The following CCDC25 variants were observed in gnomAD, a reference collection of about 807,000 sequenced individuals.
The protein encoded by CCDC25 is coiled-coil domain containing 25, also known as coiled-coil domain-containing protein 25.
Under a neutral mutation model 35.3 loss-of-function variants are expected in CCDC25, and 16 were observed. The ratio of observed to expected loss-of-function variants is 0.45; its 90% CI spans 0.31 to 0.69. The LOEUF (loss-of-function observed/expected upper bound fraction) is 0.69. Ranked by LOEUF, CCDC25 falls within the 30% of genes least tolerant of loss-of-function variation. The pLI is 0.06. For missense variants in CCDC25, 179 were observed against 250.7 expected, an observed-to-expected ratio of 0.71 and a Z score of 1.93; for synonymous variants, 79 against 80.3, an observed-to-expected ratio of 0.98 and a Z score of 0.09.
chr8:27,757,251 G>C (rs1387522828), intron 3 of CCDC25, among the ~76,000 whole-genome samples: 1 of 152,154 alleles, frequency 6.6e-6, no homozygotes, highest in Non-Finnish European at 1.5e-5. Context: ...GGAAACAGAT[G>C]ACAGTTTCGT....
intron 4 of CCDC25, chr8:27,756,415 G>A (rs1395432930): frequency 3.6e-6 from 1 of 279,360 alleles, no homozygotes; most frequent in African/African-American, 2.2e-5. Context: ...GAGACAGAAA[G>A]TCTGGGAGTG....
rs1241056039 is a variant in CCDC25, at chr8:27,735,510, G to A, written c.*706C>T. On this transcript the variant is annotated 3_prime_UTR_variant, in exon 9 of 9. Coordinates refer to ENST00000356537, the MANE Select transcript of CCDC25 (RefSeq NM_018246.3). The stretch of plus-strand genomic sequence containing the variant: ...TCCTGGGCCCAGAAGTTGTCACATA[G>A]GTGGCTTGGGTTACTTGGTGCTCAG... 6.6e-6 allele frequency: 1 copy of A among 152,160 alleles called. No individual in the cohort carries two copies. The highest frequency in any genetic ancestry group is 1.5e-5 in the Non-Finnish European group (1 of 68,050). 9.4% of individuals were successfully genotyped at this position (152,160 alleles called of 1,614,324 possible).
rs1803218579 is a variant in CCDC25, at chr8:27,736,220, A to G, written c.623T>C (p.Met208Thr). ...NQDGNDSDEF[M>T] ...TCCTTTTCTCCTTTTCTCCTTTTACATGAATTCATCTGAATCATTGCCATC... is the reference window on the plus strand; with the variant it reads ...TCCTTTTCTCCTTTTCTCCTTTTACGTGAATTCATCTGAATCATTGCCATC... The change falls in exon 9 of 9, where the codon ATG becomes ACG. Residue 208 changes from methionine to threonine, a missense_variant. Coordinates refer to ENST00000356537, the MANE Select transcript of CCDC25 (RefSeq NM_018246.3). 5 of 1,609,624 alleles carry G rather than the reference A, an allele frequency of 3.1e-6. No homozygotes were observed. The highest frequency in any genetic ancestry group is 4.2e-6 in the Non-Finnish European group (5 of 1,178,364).
At chr8:27,760,596 C>G (rs1804192376) in intron 3 of CCDC25, among the ~76,000 whole-genome samples, 1 of 152,164 alleles carries the variant, frequency 6.6e-6, no homozygotes, top group Non-Finnish European at 1.5e-5. Flanking sequence ...GTGCCAGGAC[C>G]TATGCTAGGT....
intron 3 of CCDC25, among the ~76,000 whole-genome samples, chr8:27,757,221 T>G (rs1804040464): frequency 6.6e-6 from 1 of 152,136 alleles, no homozygotes; most frequent in Admixed American, 6.5e-5. Flanking sequence ...CCTGGGAGAT[T>G]AGCAGAACCA....
chr8:27,742,850 G>A (rs1307092598), intron 7 of CCDC25, among the ~76,000 whole-genome samples: 1 of 152,212 alleles, frequency 6.6e-6, no homozygotes, highest in Non-Finnish European at 1.5e-5. Flanking sequence ...CTGGGCAACA[G>A]AGTGAGACTC....
At position 27,742,088 on chromosome 8, in the gene CCDC25, AT is replaced by A. The variant is rs575348704; in HGVS notation, c.552-1572del. 2.4e-3 allele frequency among the ~76,000 whole-genome samples: 361 copies of A among 152,364 alleles called. 1 individual carries two copies. Among genetic ancestry groups the A allele is most frequent in the Admixed American group, 3.5e-3 (53 of 15,310 alleles). ...TTGTAGCTTGGGCAATTTGAAAAAAATAGGAGAAATGGGAAAATGTTGCAAA... is the reference window on the plus strand; with the variant it reads ...TTGTAGCTTGGGCAATTTGAAAAAAAAGGAGAAATGGGAAAATGTTGCAAA... On this transcript the variant is annotated intron_variant, in intron 7 of 8. Transcript: ENST00000356537.
intron 1 of CCDC25, among the ~76,000 whole-genome samples, chr8:27,766,013 T>C (rs1804388635): frequency 6.6e-6 from 1 of 152,352 alleles, no homozygotes; most frequent in Admixed American, 6.5e-5. Context: ...AGAAATGATA[T>C]TTGCTTTACC....
At chr8:27,772,464 T>C in intron 1 of CCDC25, 49 bp downstream of exon 1, 4 of 1,539,808 alleles carry the variant, frequency 2.6e-6, no homozygotes, top group South Asian at 2.4e-5. Flanking sequence ...GGTCCCGGCT[T>C]CGGAGCCCGC....
rs1024245455 is a variant in CCDC25, at chr8:27,737,939, A to C, written c.598-1694T>G. On this transcript the variant is annotated intron_variant, in intron 8 of 8. Coordinates refer to ENST00000356537, the MANE Select transcript of CCDC25 (RefSeq NM_018246.3). The surrounding 1 kb of genome is among the most constrained non-coding windows in gnomAD (Gnocchi z 4.6). ...AAAGGAATACTATGCAGCTATAAAA[A>C]GGAATATATTAACAGCATTTGCAGT... Among the ~76,000 whole-genome samples, 3 of 152,020 alleles carry C rather than the reference A, an allele frequency of 2.0e-5. No individual in the cohort carries two copies. Among genetic ancestry groups the C allele is most frequent in the African/African-American group, 7.2e-5 (3 of 41,402 alleles).
chr8:27,755,617 G>A (rs1803973857), intron 4 of CCDC25, among the ~76,000 whole-genome samples: 1 of 152,110 alleles, frequency 6.6e-6, no homozygotes, highest in Non-Finnish European at 1.5e-5. Flanking sequence ...CAACCTTATA[G>A]TAGAGCAACC....
At chr8:27,755,858 CAG>C (rs1376254998) in intron 4 of CCDC25, among the ~76,000 whole-genome samples, 1 of 152,136 alleles carries the variant, frequency 6.6e-6, no homozygotes, top group Admixed American at 6.5e-5. Context: ...TCATAAAAAA[CAG>C]AGAAAGAATG....
chr8:27,769,581 T>C (rs1456223175), intron 1 of CCDC25, among the ~76,000 whole-genome samples: 1 of 152,232 alleles, frequency 6.6e-6, no homozygotes, highest in Admixed American at 6.5e-5. Context: ...TAAGGGTATA[T>C]GATTTTTCAG....
At chr8:27,745,982 G>A (rs1803589768) in intron 7 of CCDC25, among the ~76,000 whole-genome samples, 1 of 152,188 alleles carries the variant, frequency 6.6e-6, no homozygotes, top group Non-Finnish European at 1.5e-5. Context: ...TATTTTATAT[G>A]TTGATGACAC....
intron 3 of CCDC25, among the ~76,000 whole-genome samples, chr8:27,757,620 T>C (rs987727064): frequency 6.6e-6 from 1 of 152,220 alleles, no homozygotes; most frequent in African/African-American, 2.4e-5. Context: ...TTTCATGTTT[T>C]CAATTCACCC....
At chr8:27,750,000 T>C (rs1009215481) in intron 5 of CCDC25, among the ~76,000 whole-genome samples, 2 of 152,228 alleles carry the variant, frequency 1.3e-5, no homozygotes, top group African/African-American at 4.8e-5. Context: ...CCTGAAAGTT[T>C]TTTCAAAATA....
At chr8:27,747,942 T>C in intron 7 of CCDC25, 135 bp downstream of exon 7, 1 of 831,970 alleles carries the variant, frequency 1.2e-6, no homozygotes, top group Non-Finnish European at 1.9e-6. Context: ...AAAAACTGAT[T>C]TAAGGTTGAG....
Position 27,753,737 on chromosome 8 carries a change from T to C in CCDC25, c.169-1150A>G, listed in dbSNP as rs540176000. ...TGAAACTTGGTAACACCATAATTTA[T>C]TTTCTCTAAATCTAATAGTTCCAAA... On this transcript the variant is annotated intron_variant, in intron 4 of 8. Transcript: ENST00000356537. Among the ~76,000 whole-genome samples the C allele has an allele frequency of 9.8e-5, 15 of 152,324 alleles. No individual in the cohort carries two copies. In the East Asian group the frequency reaches 2.9e-3, roughly 29 times the overall value.
At position 27,737,884 on chromosome 8, in the gene CCDC25, TCACA is replaced by T. The variant is rs141212043; in HGVS notation, c.598-1643_598-1640del. 9.4e-3 allele frequency among the ~76,000 whole-genome samples: 1,395 copies of T among 148,554 alleles called. 23 individuals carry two copies. Among genetic ancestry groups the T allele is most frequent in the African/African-American group, 0.031 (1,252 of 40,306 alleles). ...AACTGTGGTGTGTGTATACACACAC[TCACA>T]CACACACACACACACACACACACAC... On this transcript the variant is annotated intron_variant, in intron 8 of 8. Transcript: ENST00000356537. The surrounding 1 kb of genome is among the most constrained non-coding windows in gnomAD (Gnocchi z 4.6).
Sources: gnomAD v4.1 joint callset for allele counts (sites outside exome capture counted in the v4.1 genomes callset) on GRCh38, gnomAD v4.1.1 for gene constraint, Gnocchi (gnomAD v3.1) non-coding constraint, MANE v1.5 for transcripts, NCBI Gene and HGNC (gene_info 2026-07-23, HGNC 2026-07-21) for gene names.